ZNF385D: variants seen among roughly 807,000 people sequenced by gnomAD.
The protein encoded by ZNF385D is zinc finger protein 659.
ZNF385D carries 15 observed loss-of-function variants against 35.8 expected under a neutral mutation model. That is an observed-to-expected ratio of 0.42 (90% CI 0.28 to 0.64). ZNF385D has a LOEUF of 0.64. Ranked by LOEUF, ZNF385D falls within the 30% of genes least tolerant of loss-of-function variation. ZNF385D has a pLI of 0.23. For missense variants in ZNF385D, 474 were observed against 494.6 expected (o/e 0.96, Z 0.39); for synonymous variants, 212 against 186.8 (o/e 1.13, Z -1.10).
At chr3:22,219,494 T>G (rs992882203) in intron 2 of ZNF385D, among the ~76,000 whole-genome samples, 1 of 152,142 alleles carries the variant, frequency 6.6e-6, no homozygotes, top group African/African-American at 2.4e-5. Flanking sequence ...ATGCTAGAAT[T>G]TAATAAAGCT....
chr3:21,976,036 A>G (rs1476915525), intron 3 of ZNF385D, among the ~76,000 whole-genome samples: 1 of 152,104 alleles, frequency 6.6e-6, no homozygotes, highest in Non-Finnish European at 1.5e-5. Flanking sequence ...CCTAGCAAAC[A>G]CTCAGGCTCT....
intron 2 of ZNF385D, among the ~76,000 whole-genome samples, chr3:21,592,025 T>C (rs1181560198): frequency 1.3e-5 from 2 of 152,314 alleles, no homozygotes; most frequent in Middle Eastern, 3.4e-3. Context: ...TGAGATATGT[T>C]AGTTAATCTC....
At chr3:21,849,917 A>G (rs988304758) in intron 3 of ZNF385D, among the ~76,000 whole-genome samples, 1 of 151,770 alleles carries the variant, frequency 6.6e-6, no homozygotes, top group Admixed American at 6.6e-5. Context: ...AAATTTTTAA[A>G]TTGTTTTGTA....
chr3:22,163,259 G>C (rs1454552090), intron 3 of ZNF385D, among the ~76,000 whole-genome samples: 1 of 152,124 alleles, frequency 6.6e-6, no homozygotes, highest in Admixed American at 6.6e-5. Context: ...ACAGATTCTT[G>C]AATCAATGAA....
intron 3 of ZNF385D, among the ~76,000 whole-genome samples, chr3:21,909,192 T>C (rs1699839562): frequency 7.8e-6 from 1 of 127,678 alleles, no homozygotes; most frequent in South Asian, 3.3e-4. Context: ...CCAAATATAA[T>C]ACGGATATAA....
chr3:21,959,126 A>C (rs1576010914), intron 3 of ZNF385D, among the ~76,000 whole-genome samples: 1 of 152,316 alleles, frequency 6.6e-6, no homozygotes, highest in Non-Finnish European at 1.5e-5. Context: ...TTGCACTTAA[A>C]GTATCACAAA....
intron 3 of ZNF385D, among the ~76,000 whole-genome samples, chr3:21,864,273 G>A (rs1235554734): frequency 6.6e-6 from 1 of 152,080 alleles, no homozygotes; most frequent in Non-Finnish European, 1.5e-5. Flanking sequence ...AAGTCTGATA[G>A]CTTAACCAGG....
Position 21,630,808 on chromosome 3 carries a change from AAT to A in ZNF385D, c.165+34076_165+34077del, listed in dbSNP as rs573745702. 8.1e-4 allele frequency among the ~76,000 whole-genome samples: 123 copies of A among 152,268 alleles called. 1 individual carries two copies. The highest frequency in any genetic ancestry group is 3.3e-3 in the South Asian group (16 of 4,828). The stretch of plus-strand genomic sequence containing the variant: ...ATCTATTGAGCACACATTATGTGTT[AAT>A]CACCATGTCAGGGGTTTTATGTCTC... On this transcript the variant is annotated intron_variant, in intron 2 of 7. Transcript: ENST00000281523.
chr3:21,582,370 A>T (rs1559429609), intron 2 of ZNF385D, among the ~76,000 whole-genome samples: 1 of 152,192 alleles, frequency 6.6e-6, no homozygotes, highest in Non-Finnish European at 1.5e-5. Context: ...GGCTATTAAA[A>T]AGTATCTCCA....
intron 3 of ZNF385D, among the ~76,000 whole-genome samples, chr3:22,163,854 A>G (rs1706129016): frequency 6.6e-6 from 1 of 152,162 alleles, no homozygotes; most frequent in Non-Finnish European, 1.5e-5. Context: ...GTTTAAGGAG[A>G]AGAATGAAAG....
At chr3:21,803,764 A>G (rs535882627) in intron 3 of ZNF385D, among the ~76,000 whole-genome samples, 2 of 152,302 alleles carry the variant, frequency 1.3e-5, no homozygotes, top group Middle Eastern at 3.4e-3. Flanking sequence ...GTACTTACTG[A>G]ATATCTCCAT....
intron 3 of ZNF385D, among the ~76,000 whole-genome samples, chr3:21,533,261 C>A (rs1023400605): frequency 5.3e-5 from 8 of 152,072 alleles, no homozygotes; most frequent in African/African-American, 1.9e-4. Flanking sequence ...ATCATTGGCC[C>A]GTCGAATGAA....
At chr3:21,788,792 G>A (rs948814298) in intron 3 of ZNF385D, among the ~76,000 whole-genome samples, 3 of 152,104 alleles carry the variant, frequency 2.0e-5, no homozygotes, top group Non-Finnish European at 2.9e-5. Context: ...CATGAAATAC[G>A]GGACACAGGA....
chr3:21,420,845 AG>A lies in ZNF385D; in HGVS notation c.*368del, dbSNP rs1559432089. 2 of 171,086 alleles carry A rather than the reference AG, an allele frequency of 1.2e-5. No individual in the cohort carries two copies. Among genetic ancestry groups the A allele is most frequent in the African/African-American group, 4.8e-5 (2 of 42,024 alleles). The allele number at this position is 171,086 out of a possible 1,614,324, so 10.6% of individuals were successfully genotyped here. On this transcript the variant is annotated 3_prime_UTR_variant, in exon 8 of 8. Coordinates refer to ENST00000281523, the MANE Select transcript of ZNF385D (RefSeq NM_024697.3). ...AAATTATTTTATATACATTGGAACC[AG>A]TTAATGCCCTTAGACAATGTATAGT...
chr3:21,621,403 A>G (rs1376957118), intron 2 of ZNF385D, among the ~76,000 whole-genome samples: 2 of 152,146 alleles, frequency 1.3e-5, no homozygotes, highest in African/African-American at 2.4e-5. Flanking sequence ...AAAATAAAGC[A>G]TACCTTAGTA....
intron 2 of ZNF385D, among the ~76,000 whole-genome samples, chr3:22,320,432 C>T (rs993038522): frequency 2.0e-5 from 3 of 151,658 alleles, no homozygotes; most frequent in Admixed American, 2.0e-4. Context: ...TGATCATGTT[C>T]TAATTTGTGG....
chr3:22,003,273 G>A (rs1695966892), intron 3 of ZNF385D, among the ~76,000 whole-genome samples: 1 of 152,140 alleles, frequency 6.6e-6, no homozygotes, highest in Non-Finnish European at 1.5e-5. Context: ...GCTTTTCTAT[G>A]TATCAATAAT....
chr3:22,287,875 T>C (rs1156537699), intron 2 of ZNF385D, among the ~76,000 whole-genome samples: 12 of 152,078 alleles, frequency 7.9e-5, no homozygotes. Context: ...TGTTTTCTTT[T>C]ACTAATTTGC....
chr3:21,548,045 C>T (rs547713879), intron 3 of ZNF385D, among the ~76,000 whole-genome samples: 61 of 152,214 alleles, frequency 4.0e-4, no homozygotes, highest in African/African-American at 1.4e-3. Flanking sequence ...CTCCTCTTCC[C>T]GTGTGAAACC....
Sources: allele counts gnomAD v4.1 joint callset (sites outside exome capture counted in the v4.1 genomes callset), GRCh38; gene constraint gnomAD v4.1.1; transcripts MANE v1.5; gene names NCBI Gene and HGNC (gene_info 2026-07-23, HGNC 2026-07-21).